Variants in TRHDE observed in about 807,000 individuals in gnomAD.
The protein encoded by TRHDE is thyrotropin releasing hormone degrading enzyme, also known as thyrotropin-releasing hormone-degrading ectoenzyme.
Under a neutral mutation model 125.7 loss-of-function variants are expected in TRHDE, and 72 were observed. That is an observed-to-expected ratio of 0.57 (90% CI 0.47 to 0.70). The LOEUF is 0.70. Ranked by LOEUF, TRHDE falls within the 30% of genes least tolerant of loss-of-function variation. The pLI is 0.00. For missense variants in TRHDE, 1,110 were observed against 1,327.1 expected (o/e 0.84, Z 2.54); for synonymous variants, 509 against 509.1 (o/e 1.00, Z 0.00).
At chr12:72,361,519 G>T (rs1871079742) in intron 2 of TRHDE, among the ~76,000 whole-genome samples, 1 of 151,124 alleles carries the variant, frequency 6.6e-6, no homozygotes, top group Non-Finnish European at 1.5e-5. Flanking sequence ...ATTATTCTTT[G>T]TACTTTTCTA....
intron 6 of TRHDE, among the ~76,000 whole-genome samples, chr12:72,534,919 T>A (rs1425456297): frequency 6.6e-6 from 1 of 152,036 alleles, no homozygotes; most frequent in East Asian, 1.9e-4. Context: ...GCTTAACCAG[T>A]GTAGAAGCTG....
At chr12:72,648,221 A>G (rs947760557) in intron 15 of TRHDE, among the ~76,000 whole-genome samples, 1 of 152,134 alleles carries the variant, frequency 6.6e-6, no homozygotes, top group African/African-American at 2.4e-5. Context: ...AAAATTCTCA[A>G]CAAATAAGGA....
chr12:72,428,048 A>G (rs928111374), intron 3 of TRHDE, among the ~76,000 whole-genome samples: 6 of 152,160 alleles, frequency 3.9e-5, no homozygotes, highest in African/African-American at 1.4e-4. Flanking sequence ...CAAAGAAAAA[A>G]TAAATGTTAA....
At chr12:72,662,911 A>G in intron 18 of TRHDE, 141 bp from the exon 19 acceptor site, 1 of 777,946 alleles carries the variant, frequency 1.3e-6, no homozygotes. Context: ...ACAGTACTAA[A>G]TATATCTTCT....
chr12:72,137,742 AAG>A (rs749926822), intron 2 of TRHDE: 7 of 152,182 alleles, frequency 4.6e-5, no homozygotes, highest in Non-Finnish European at 8.8e-5. Flanking sequence ...GGCAGGCAAA[AAG>A]AAGGAAACAG....
intron 7 of TRHDE, among the ~76,000 whole-genome samples, chr12:72,549,960 T>A (rs1161910843): frequency 4.0e-5 from 6 of 151,872 alleles, no homozygotes; most frequent in Non-Finnish European, 8.8e-5. Context: ...CTCGTATTTT[T>A]AGAGATATAT....
chr12:72,603,737 A>C (rs545130874), intron 12 of TRHDE, among the ~76,000 whole-genome samples: 14 of 150,568 alleles, frequency 9.3e-5, no homozygotes, highest in Admixed American at 8.6e-4. Flanking sequence ...AACAAAAAAC[A>C]AAAAACAAAA....
intron 2 of TRHDE, among the ~76,000 whole-genome samples, chr12:72,353,931 G>C (rs1215028493): frequency 2.0e-5 from 3 of 151,532 alleles, no homozygotes; most frequent in Non-Finnish European, 4.4e-5. Context: ...CAGCTCTTGG[G>C]CATGTGGCAG....
intron 2 of TRHDE, among the ~76,000 whole-genome samples, chr12:72,290,210 A>G (rs10879394): frequency 0.66 from 100,925 of 152,026 alleles, 33,774 homozygotes; most frequent in East Asian, 0.83. Flanking sequence ...CTGTGTGCAT[A>G]TAATTCTTTG....
At chr12:72,480,202 G>A (rs1338301974) in intron 5 of TRHDE, among the ~76,000 whole-genome samples, 1 of 151,330 alleles carries the variant, frequency 6.6e-6, no homozygotes, top group Non-Finnish European at 1.5e-5. Context: ...TGGGTCAAAT[G>A]GTATTTCTAG....
Position 72,516,903 on chromosome 12 carries a change from CAT to C in TRHDE, c.1722+17269_1722+17270del, listed in dbSNP as rs928397178. 9.8e-4 allele frequency among the ~76,000 whole-genome samples: 149 copies of C among 152,110 alleles called. 1 individual carries two copies. The highest frequency in any genetic ancestry group is 3.4e-3 in the African/African-American group (141 of 41,516). On this transcript the variant is annotated intron_variant, in intron 6 of 18. Transcript: ENST00000261180. ...CCTTTTCTGCATCTATTGAGATAAT[CAT>C]GTGGTTTTTGTCTTTGGTTCTGTTT...
chr12:72,123,985 T>C (rs1311022656), intron 2 of TRHDE, among the ~76,000 whole-genome samples: 2 of 152,208 alleles, frequency 1.3e-5, no homozygotes, highest in Admixed American at 1.3e-4. Context: ...TATTGTTACA[T>C]GATCAGTGGT....
chr12:72,174,116 C>G (rs539761526), intron 2 of TRHDE, among the ~76,000 whole-genome samples: 2 of 152,278 alleles, frequency 1.3e-5, no homozygotes, highest in South Asian at 4.1e-4. Context: ...GGGACTTGCT[C>G]TCCCTTGATA....
intron 6 of TRHDE, among the ~76,000 whole-genome samples, chr12:72,505,553 A>C (rs927650154): frequency 6.6e-6 from 1 of 152,190 alleles, no homozygotes; most frequent in Non-Finnish European, 1.5e-5. Context: ...AATAACTTCA[A>C]TTTTAAAGGG....
At chr12:72,649,080 C>T (rs1173691358) in intron 15 of TRHDE, among the ~76,000 whole-genome samples, 1 of 151,542 alleles carries the variant, frequency 6.6e-6, no homozygotes, top group Non-Finnish European at 1.5e-5. Context: ...CTTTAAATGC[C>T]AAACCTATTT....
intron 3 of TRHDE, among the ~76,000 whole-genome samples, chr12:72,415,585 C>G (rs1396252121): frequency 6.6e-6 from 1 of 151,838 alleles, no homozygotes; most frequent in Non-Finnish European, 1.5e-5. Flanking sequence ...TACTGTCTCT[C>G]TCCATGAGTT....
chr12:72,493,816 A>G (rs560152688), intron 5 of TRHDE, among the ~76,000 whole-genome samples: 5 of 152,090 alleles, frequency 3.3e-5, no homozygotes, highest in African/African-American at 1.2e-4. Context: ...CTTTTCTGCC[A>G]TTCCTCCTAG....
At chr12:72,272,303 G>A (rs1879251957), upstream of TRHDE, 1 of 360,018 alleles carries the variant, frequency 2.8e-6, no homozygotes, top group African/African-American at 2.1e-5. The surrounding 1 kb of genome is among the most constrained non-coding windows in gnomAD (Gnocchi z 6.7). Flanking sequence ...CGCAGGGGAG[G>A]GAGAGCCGGG....
At chr12:72,329,978 T>C (rs1178551252) in intron 2 of TRHDE, among the ~76,000 whole-genome samples, 3 of 152,136 alleles carry the variant, frequency 2.0e-5, no homozygotes, top group Admixed American at 1.3e-4. Flanking sequence ...AAAAGATAAA[T>C]TGATCCGCTG....
Sources: allele counts gnomAD v4.1 joint callset (sites outside exome capture counted in the v4.1 genomes callset), GRCh38; gene constraint gnomAD v4.1.1; non-coding constraint Gnocchi (gnomAD v3.1); transcripts MANE v1.5; gene names NCBI Gene and HGNC (gene_info 2026-07-23, HGNC 2026-07-21).